ITPR2: variants seen among roughly 807,000 people sequenced by gnomAD.
ITPR2 encodes inositol 1,4,5-trisphosphate-gated calcium channel ITPR2.
A neutral mutation model predicts 317.1 loss-of-function variants in ITPR2; 207 were observed. The ratio of observed to expected loss-of-function variants is 0.65; its 90% confidence interval spans 0.58 to 0.73. The LOEUF is 0.73. ITPR2 is among the 30% of genes least tolerant of loss of function. The pLI is 0.00. For missense variants in ITPR2, 2,613 were observed against 3,284.0 expected (o/e 0.80, Z 4.99); for synonymous variants, 1,156 against 1,149.1 (o/e 1.01, Z -0.12).
At chr12:26,781,517 CA>C (rs1950076580) in intron 2 of ITPR2, among the ~76,000 whole-genome samples, 1 of 152,094 alleles carries the variant, frequency 6.6e-6, no homozygotes, top group African/African-American at 2.4e-5. Flanking sequence ...TCCGGTTGTA[CA>C]AAGGACAGTT....
intron 37 of ITPR2, among the ~76,000 whole-genome samples, chr12:26,497,784 C>A (rs557824353): frequency 6.6e-6 from 1 of 150,748 alleles, no homozygotes; most frequent in South Asian, 2.1e-4. Flanking sequence ...AATCTCAGCT[C>A]ACTGCAACCT....
chr12:26,440,217 AAACAAC>A (rs549040091), intron 46 of ITPR2, among the ~76,000 whole-genome samples: 1 of 152,166 alleles, frequency 6.6e-6, no homozygotes, highest in Admixed American at 6.5e-5. Flanking sequence ...GAGACACACA[AAACAAC>A]AACAACAACA....
intron 5 of ITPR2, 63 bp downstream of exon 5, chr12:26,722,334 T>G: frequency 1.4e-6 from 2 of 1,409,544 alleles, no homozygotes; most frequent in South Asian, 2.8e-5. Context: ...TGGATTATCT[T>G]ACTTATTAGG....
chr12:26,671,472 T>C (rs1426671313), intron 13 of ITPR2, among the ~76,000 whole-genome samples: 1 of 151,960 alleles, frequency 6.6e-6, no homozygotes, highest in East Asian at 1.9e-4. Flanking sequence ...GAAGGAGAAA[T>C]AAAATACTTT....
intron 46 of ITPR2, among the ~76,000 whole-genome samples, chr12:26,442,364 A>C (rs1941505590): frequency 6.6e-6 from 1 of 152,172 alleles, no homozygotes; most frequent in South Asian, 2.1e-4. Flanking sequence ...GTGAATTGGT[A>C]GAGAGTAAGT....
chr12:26,544,552 C>A (rs976179650), intron 37 of ITPR2, among the ~76,000 whole-genome samples: 6 of 144,294 alleles, frequency 4.2e-5, no homozygotes, highest in Non-Finnish European at 7.8e-5. Context: ...TAAATTTTTA[C>A]CAGTTTCACA....
Position 26,419,179 on chromosome 12 carries a change from A to G in ITPR2, c.6980T>C (p.Val2327Ala). The G allele has an allele frequency of 1.9e-6, 3 of 1,613,718 alleles. No homozygotes were observed. Among genetic ancestry groups the G allele is most frequent in the Middle Eastern group, 1.7e-4 (1 of 6,058 alleles). The change falls in exon 50 of 57, where the codon GTT becomes GCT. Residue 2327 changes from valine (V) to alanine (A), a missense_variant. Physicochemically the swap from Val to Ala is moderately conservative, Grantham distance 64 (BLOSUM62 0). Coordinates refer to ENST00000381340, the MANE Select transcript of ITPR2 (RefSeq NM_002223.4). The stretch of plus-strand genomic sequence containing the variant: ...ACGGGTGAACGTGCCACGATTTCCA[A>G]CAAAACTCACCAGAAAAACAATTTT... ...CNKIVFLVSF[V>A]GNRGTFTRGY...
intron 8 of ITPR2, among the ~76,000 whole-genome samples, chr12:26,711,911 C>A (rs996299720): frequency 6.6e-6 from 1 of 152,192 alleles, no homozygotes; most frequent in Non-Finnish European, 1.5e-5. Flanking sequence ...CTACTTAATT[C>A]TTAGCCCTTT....
At chr12:26,823,211 G>T (rs1393856262) in intron 1 of ITPR2, among the ~76,000 whole-genome samples, 1 of 152,124 alleles carries the variant, frequency 6.6e-6, no homozygotes, top group East Asian at 1.9e-4. Context: ...CAATGCCAGT[G>T]TTACCTCCAT....
Position 26,596,930 on chromosome 12 carries a change from G to A in ITPR2, c.4207C>T (p.Leu1403=). 2 of 1,594,720 alleles carry A rather than the reference G, an allele frequency of 1.3e-6. No homozygotes were observed. The highest frequency in any genetic ancestry group is 1.7e-6 in the Non-Finnish European group (2 of 1,169,594). Residue 1403 remains leucine (L), a synonymous_variant, in exon 31 of 57, where the codon CTG becomes TTG. Coordinates refer to ENST00000381340, the MANE Select transcript of ITPR2 (RefSeq NM_002223.4). ...GTCACCACCCTCACTATGTCGTCCA[G>A]CGGGAGAAGGGAATTACACTTGATT... The part of the protein sequence containing the change: ...TEIKCNSLLP[L]DDIVRVVTHD...
intron 9 of ITPR2, among the ~76,000 whole-genome samples, chr12:26,696,278 C>T (rs1948348888): frequency 6.6e-6 from 1 of 152,110 alleles, no homozygotes; most frequent in South Asian, 2.1e-4. Flanking sequence ...TCCCACTTGT[C>T]CTTACAGTCT....
intron 2 of ITPR2, among the ~76,000 whole-genome samples, chr12:26,774,171 A>C (rs923513515): frequency 1.3e-5 from 2 of 152,066 alleles, no homozygotes; most frequent in African/African-American, 2.4e-5. Context: ...ATCCATACTG[A>C]CACCTGTGAA....
chr12:26,541,227 G>A (rs1450361290), intron 37 of ITPR2, among the ~76,000 whole-genome samples: 2 of 151,716 alleles, frequency 1.3e-5, no homozygotes, highest in African/African-American at 4.8e-5. Flanking sequence ...TGAGACAGGA[G>A]AATCACTTGA....
In ITPR2 at chr12:26,475,908, T is replaced by C. The variant is rs139155880; in HGVS notation, c.6220-490A>G. Among the ~76,000 whole-genome samples the C allele has an allele frequency of 4.6e-5, 7 of 152,252 alleles. No homozygotes were observed. In the East Asian group the frequency reaches 9.6e-4, roughly 21 times the overall value. Reference sequence around the variant, plus strand: ...TGAGGAAGCGCAGAGCAGGGGCATATACTCAAGCAAGAGGTGGAGGGTGGG... The same window carrying C: ...TGAGGAAGCGCAGAGCAGGGGCATACACTCAAGCAAGAGGTGGAGGGTGGG... On this transcript the variant is annotated intron_variant, in intron 44 of 56. Transcript: ENST00000381340.
chr12:26,721,421 T>C, intron 5 of ITPR2: 1 of 463,808 alleles, frequency 2.2e-6, no homozygotes, highest in Non-Finnish European at 3.9e-6. Context: ...ACAAGAAATA[T>C]CCAAAACACA....
intron 37 of ITPR2, among the ~76,000 whole-genome samples, chr12:26,544,879 A>C (rs1465553034): frequency 6.6e-6 from 1 of 152,128 alleles, no homozygotes; most frequent in African/African-American, 2.4e-5. Context: ...AACGCAATTC[A>C]CTTTTCTGAG....
intron 37 of ITPR2, among the ~76,000 whole-genome samples, chr12:26,512,821 AT>A (rs371730693): frequency 0.24 from 32,670 of 135,344 alleles, 3,503 homozygotes; most frequent in Non-Finnish European, 0.29. Flanking sequence ...AAGGGAAACA[AT>A]TTTTTTTTTT....
At chr12:26,732,857 C>G (rs1178175012) in intron 2 of ITPR2, among the ~76,000 whole-genome samples, 1 of 152,206 alleles carries the variant, frequency 6.6e-6, no homozygotes, top group African/African-American at 2.4e-5. Flanking sequence ...CAGACAGCAT[C>G]CTTCTGACTT....
intron 45 of ITPR2, among the ~76,000 whole-genome samples, chr12:26,450,511 C>A (rs185503561): frequency 1.1e-3 from 165 of 152,174 alleles, no homozygotes; most frequent in South Asian, 0.011. Flanking sequence ...GAATTACTAC[C>A]CTGTTAGTAG....
Sources: allele counts gnomAD v4.1 joint callset (sites outside exome capture counted in the v4.1 genomes callset), GRCh38; gene constraint gnomAD v4.1.1; transcripts MANE v1.5; gene names NCBI Gene and HGNC (gene_info 2026-07-23, HGNC 2026-07-21).